The following NRG3 variants were observed in gnomAD, a reference collection of about 807,000 sequenced individuals.
The protein encoded by NRG3 is neuregulin 3.
Under a neutral mutation model 66.9 loss-of-function variants are expected in NRG3, and 31 were observed. That is an observed-to-expected ratio of 0.46 (90% CI 0.35 to 0.63). The LOEUF (loss-of-function observed/expected upper bound fraction) is 0.63, where lower values mean the gene tolerates loss of function less well. Ranked by LOEUF, NRG3 falls within the 20% of genes least tolerant of loss-of-function variation. The pLI is 0.00. For synonymous variants in NRG3, 393 were observed against 359.4 expected, an observed-to-expected ratio of 1.09 and a Z score of -1.06; for missense variants, 910 against 878.9, an observed-to-expected ratio of 1.04 and a Z score of -0.45.
intron 3 of NRG3, among the ~76,000 whole-genome samples, chr10:82,829,744 G>A (rs1420417388): frequency 2.6e-5 from 4 of 152,130 alleles, no homozygotes; most frequent in African/African-American, 9.7e-5. Flanking sequence ...TTTTTGTTTG[G>A]TTGTGTGATT....
chr10:81,980,003 A>C (rs2060275318), intron 1 of NRG3, among the ~76,000 whole-genome samples: 1 of 152,234 alleles, frequency 6.6e-6, no homozygotes, highest in Admixed American at 6.5e-5. Flanking sequence ...TTACTAAAAA[A>C]GTTAGTCGTC....
intron 3 of NRG3, among the ~76,000 whole-genome samples, chr10:82,766,037 A>G (rs2059499483): frequency 6.6e-6 from 1 of 152,118 alleles, no homozygotes; most frequent in Non-Finnish European, 1.5e-5. Context: ...TATTTCTTTG[A>G]ACAAAATCTC....
chr10:82,958,175 T>C (rs528904865), intron 5 of NRG3, among the ~76,000 whole-genome samples: 26 of 152,294 alleles, frequency 1.7e-4, no homozygotes, highest in African/African-American at 4.8e-4. Context: ...TGAGTGGTGG[T>C]TGAAGAGTGT....
intron 5 of NRG3, among the ~76,000 whole-genome samples, chr10:82,952,841 T>A (rs1337506680): frequency 6.6e-6 from 1 of 151,948 alleles, no homozygotes; most frequent in Admixed American, 6.5e-5. Context: ...AACTTGAGCA[T>A]CAATTCAGAA....
intron 2 of NRG3, among the ~76,000 whole-genome samples, chr10:82,613,393 G>A (rs577226835): frequency 6.6e-6 from 1 of 151,174 alleles, no homozygotes; most frequent in South Asian, 2.1e-4. Flanking sequence ...TTGTGGAAGG[G>A]TCACTGTTTT....
At chr10:82,865,504 T>C in intron 4 of NRG3, 67 bp downstream of exon 4, 2 of 1,456,320 alleles carry the variant, frequency 1.4e-6, no homozygotes, top group South Asian at 2.5e-5. Flanking sequence ...ACATAGTGCT[T>C]TCCTTCTCCA....
chr10:81,900,301 A>G (rs1288533909), intron 1 of NRG3, among the ~76,000 whole-genome samples: 1 of 71,826 alleles, frequency 1.4e-5, no homozygotes, highest in Non-Finnish European at 2.1e-5. Flanking sequence ...GGCATGAGCC[A>G]ATGCGCCTGG....
intron 2 of NRG3, among the ~76,000 whole-genome samples, chr10:82,424,778 C>T (rs966439585): frequency 6.6e-6 from 1 of 151,978 alleles, no homozygotes; most frequent in Non-Finnish European, 1.5e-5. Flanking sequence ...TTAGCTCTTA[C>T]ATTTAGGTCT....
chr10:82,066,603 C>T (rs2064483492), intron 1 of NRG3, among the ~76,000 whole-genome samples: 1 of 152,136 alleles, frequency 6.6e-6, no homozygotes, highest in Admixed American at 6.5e-5. Context: ...AGAGGTCCTA[C>T]AAGCACACAA....
chr10:82,706,399 A>G (rs932381376), intron 2 of NRG3, among the ~76,000 whole-genome samples: 1 of 152,286 alleles, frequency 6.6e-6, no homozygotes, highest in South Asian at 2.1e-4. Flanking sequence ...AGATGGAGTA[A>G]TTATTTACAA....
chr10:82,321,709 A>G (rs1181123352), intron 1 of NRG3, among the ~76,000 whole-genome samples: 1 of 152,232 alleles, frequency 6.6e-6, no homozygotes, highest in Admixed American at 6.5e-5. Flanking sequence ...GGAGCAAAGC[A>G]TGTATGCATA....
chr10:82,044,960 C>A (rs1039692990), intron 1 of NRG3, among the ~76,000 whole-genome samples: 2 of 151,782 alleles, frequency 1.3e-5, no homozygotes, highest in African/African-American at 4.8e-5. Flanking sequence ...TTAATCAAGT[C>A]TATCATTGTT....
At chr10:82,055,956 G>C (rs73318348) in intron 1 of NRG3, among the ~76,000 whole-genome samples, 61 of 152,314 alleles carry the variant, frequency 4.0e-4, no homozygotes, top group African/African-American at 1.4e-3. Flanking sequence ...ATTCAGAGGA[G>C]AAGATGTGAA....
At chr10:82,428,945 A>C (rs923622930) in intron 2 of NRG3, among the ~76,000 whole-genome samples, 4 of 151,956 alleles carry the variant, frequency 2.6e-5, no homozygotes, top group Admixed American at 6.6e-5. Flanking sequence ...ATACATTAAA[A>C]ATTTATCATT....
intron 1 of NRG3, among the ~76,000 whole-genome samples, chr10:82,142,085 T>C (rs1204687699): frequency 6.6e-6 from 1 of 152,188 alleles, no homozygotes; most frequent in Non-Finnish European, 1.5e-5. Flanking sequence ...CCAACAAATA[T>C]TCATTTTTTC....
At chr10:82,485,178 A>G (rs1440431276) in intron 2 of NRG3, among the ~76,000 whole-genome samples, 1 of 151,778 alleles carries the variant, frequency 6.6e-6, no homozygotes, top group Admixed American at 6.6e-5. Flanking sequence ...CAGGAACTTA[A>G]CTACACAACT....
At chr10:82,034,240 C>T (rs1311447079) in intron 1 of NRG3, among the ~76,000 whole-genome samples, 1 of 152,222 alleles carries the variant, frequency 6.6e-6, no homozygotes, top group East Asian at 1.9e-4. Context: ...AGACCATATA[C>T]ATGACCCATT....
intron 2 of NRG3, among the ~76,000 whole-genome samples, chr10:82,377,468 A>G (rs1345352866): frequency 7.8e-6 from 1 of 127,468 alleles, no homozygotes; most frequent in South Asian, 2.2e-4. Context: ...GCGCGAGCGC[A>G]CATGCGTGAG....
intron 3 of NRG3, among the ~76,000 whole-genome samples, chr10:82,760,222 T>C (rs1264283973): frequency 2.0e-5 from 3 of 152,140 alleles, no homozygotes; most frequent in South Asian, 4.2e-4. Context: ...AGGGCCCCAG[T>C]AGAGACAAAC....
Sources: allele counts gnomAD v4.1 joint callset (sites outside exome capture counted in the v4.1 genomes callset), GRCh38; gene constraint gnomAD v4.1.1; transcripts MANE v1.5; gene names NCBI Gene and HGNC (gene_info 2026-07-23, HGNC 2026-07-21).